Variants in ADAMTS17 observed in about 807,000 individuals in gnomAD.
ADAMTS17 encodes the protein ADAM metallopeptidase with thrombospondin type 1 motif 17.
ADAMTS17 carries 113 observed loss-of-function variants against 141.5 expected under a neutral mutation model. The ratio of observed to expected loss-of-function variants is 0.80; its 90% CI spans 0.69 to 0.93. The LOEUF is 0.93. Among genes scored for constraint, ADAMTS17 ranks in the 40% least tolerant of loss-of-function variants. The probability of loss-of-function intolerance (pLI) is 0.00; values close to 1 mark genes in which losing one functional copy is unlikely to be tolerated. For synonymous variants in ADAMTS17, 768 were observed against 630.6 expected (o/e 1.22, Z -3.27); for missense variants, 1,659 against 1,517.9 (o/e 1.09, Z -1.54).
chr15:100,220,894 T>C (rs2042112516), intron 7 of ADAMTS17, among the ~76,000 whole-genome samples: 1 of 152,244 alleles, frequency 6.6e-6, no homozygotes, highest in Non-Finnish European at 1.5e-5. Context: ...ATTCCACAAC[T>C]GAGGCATCCA....
At chr15:100,103,922 G>C (rs34357020) in intron 14 of ADAMTS17, among the ~76,000 whole-genome samples, 37,535 of 152,142 alleles carry the variant, frequency 0.25, 5,621 homozygotes, top group East Asian at 0.43. Context: ...CCAGTGTATA[G>C]GGAAGCACAG....
intron 17 of ADAMTS17, 130 bp from the exon 18 acceptor site, chr15:100,049,122 A>G: frequency 7.2e-7 from 1 of 1,387,728 alleles, no homozygotes; most frequent in Non-Finnish European, 1.0e-6. Context: ...GACTGCTGTA[A>G]ATGTCATGTG....
intron 7 of ADAMTS17, among the ~76,000 whole-genome samples, chr15:100,213,875 G>T (rs2041886427): frequency 6.6e-6 from 1 of 152,252 alleles, no homozygotes; most frequent in African/African-American, 2.4e-5. Context: ...ACCCCTGAGG[G>T]TCAGATAGAG....
At chr15:100,056,751 T>C (rs988948545) in intron 15 of ADAMTS17, among the ~76,000 whole-genome samples, 5 of 152,010 alleles carry the variant, frequency 3.3e-5, no homozygotes, top group African/African-American at 9.7e-5. Context: ...AAAGCATAAG[T>C]TGGGGGAACA....
intron 8 of ADAMTS17, among the ~76,000 whole-genome samples, chr15:100,158,894 G>T (rs1289404416): frequency 1.3e-5 from 2 of 152,102 alleles, no homozygotes; most frequent in Non-Finnish European, 2.9e-5. Flanking sequence ...AATCATCAGA[G>T]AAACACAAAT....
chr15:100,185,480 A>T (rs1042898439), intron 8 of ADAMTS17, among the ~76,000 whole-genome samples: 1 of 152,204 alleles, frequency 6.6e-6, no homozygotes, highest in African/African-American at 2.4e-5. Context: ...GAGATCAGAG[A>T]TCAATTCAAA....
At chr15:99,975,771 G>C (rs1217569236) in intron 21 of ADAMTS17, among the ~76,000 whole-genome samples, 2 of 152,186 alleles carry the variant, frequency 1.3e-5, no homozygotes, top group Non-Finnish European at 2.9e-5. Context: ...GAAACCTACA[G>C]TGTCTGTGGA....
At chr15:100,078,520 A>G (rs1462505421) in intron 15 of ADAMTS17, among the ~76,000 whole-genome samples, 1 of 152,084 alleles carries the variant, frequency 6.6e-6, no homozygotes, top group Non-Finnish European at 1.5e-5. Flanking sequence ...TCCATATGCG[A>G]AAGGATGAAG....
intron 15 of ADAMTS17, among the ~76,000 whole-genome samples, chr15:100,056,781 C>T (rs944347725): frequency 1.3e-5 from 2 of 152,094 alleles, no homozygotes; most frequent in African/African-American, 2.4e-5. Context: ...CCCTGCCATT[C>T]CCTCAGCCTA....
At chr15:100,110,718 C>A (rs74037372) in intron 13 of ADAMTS17, among the ~76,000 whole-genome samples, 3 of 152,068 alleles carry the variant, frequency 2.0e-5, no homozygotes, top group South Asian at 2.1e-4. Flanking sequence ...GAGTCAAAGA[C>A]CTTCATCCTC....
At chr15:100,250,092 A>G (rs1037887214) in intron 7 of ADAMTS17, among the ~76,000 whole-genome samples, 1 of 152,244 alleles carries the variant, frequency 6.6e-6, no homozygotes. Flanking sequence ...AAAAAGCACG[A>G]TTTAAAACAG....
At chr15:100,241,674 G>C (rs551834605) in intron 7 of ADAMTS17, among the ~76,000 whole-genome samples, 1 of 152,262 alleles carries the variant, frequency 6.6e-6, no homozygotes, top group African/African-American at 2.4e-5. Flanking sequence ...CATTCCACCA[G>C]GCAGAGGGCA....
intron 7 of ADAMTS17, among the ~76,000 whole-genome samples, chr15:100,248,152 A>G (rs2141933393): frequency 6.6e-6 from 1 of 152,256 alleles, no homozygotes; most frequent in African/African-American, 2.4e-5. Context: ...GAACATCTCC[A>G]CTTCCTCCTG....
chr15:100,189,447 C>T (rs563626913), intron 8 of ADAMTS17, among the ~76,000 whole-genome samples: 2 of 152,350 alleles, frequency 1.3e-5, no homozygotes, highest in African/African-American at 4.8e-5. Flanking sequence ...TGGGTCATCA[C>T]AGAGCATGTG....
At chr15:100,068,371 A>T (rs2033709347) in intron 15 of ADAMTS17, among the ~76,000 whole-genome samples, 1 of 152,228 alleles carries the variant, frequency 6.6e-6, no homozygotes, top group Admixed American at 6.5e-5. Flanking sequence ...CTGCAGACTT[A>T]AATGTCCCTT....
chr15:100,179,723 G>A (rs2040459527), intron 8 of ADAMTS17, among the ~76,000 whole-genome samples: 1 of 152,060 alleles, frequency 6.6e-6, no homozygotes, highest in South Asian at 2.1e-4. Context: ...CCTGTCTTTT[G>A]GATAAAAGCC....
chr15:100,225,268 C>T (rs1242468234), intron 7 of ADAMTS17, among the ~76,000 whole-genome samples: 1 of 152,226 alleles, frequency 6.6e-6, no homozygotes, highest in Non-Finnish European at 1.5e-5. Context: ...TGGGGAAGAA[C>T]ATACAAATCA....
At chr15:100,254,705 G>A (rs1221977040) in intron 6 of ADAMTS17, among the ~76,000 whole-genome samples, 2 of 152,188 alleles carry the variant, frequency 1.3e-5, no homozygotes, top group Non-Finnish European at 2.9e-5. Context: ...GGACATGGAT[G>A]GAGCTGGAGC....
chr15:100,157,125 G>C (rs1191777707), intron 8 of ADAMTS17, among the ~76,000 whole-genome samples: 1 of 152,174 alleles, frequency 6.6e-6, no homozygotes, highest in Non-Finnish European at 1.5e-5. Context: ...GATCTTGTGA[G>C]AACTCTCTCA....
Sources: allele counts gnomAD v4.1 joint callset (sites outside exome capture counted in the v4.1 genomes callset), GRCh38; gene constraint gnomAD v4.1.1; transcripts MANE v1.5; gene names NCBI Gene and HGNC (gene_info 2026-07-23, HGNC 2026-07-21).